Variants in ZMYM4 observed in about 807,000 individuals in gnomAD.
ZMYM4 encodes zinc finger MYM-type containing 4, also known as zinc finger MYM-type protein 4.
In ZMYM4, 31 loss-of-function variants were observed where a neutral mutation model predicts 183.2. The observed-to-expected ratio is 0.17, with a 90% confidence interval of 0.13 to 0.23. The LOEUF (loss-of-function observed/expected upper bound fraction) is 0.23, where lower values mean the gene tolerates loss of function less well. ZMYM4 is among the 10% of genes least tolerant of loss of function. The probability of loss-of-function intolerance (pLI) is 1.00; values close to 1 mark genes in which losing one functional copy is unlikely to be tolerated. For synonymous variants in ZMYM4, 592 were observed against 631.2 expected (o/e 0.94, Z 0.93); for missense variants, 1,273 against 1,840.3 (o/e 0.69, Z 5.64).
At chr1:35,280,151 T>C (rs576807287) in intron 1 of ZMYM4, among the ~76,000 whole-genome samples, 2 of 151,396 alleles carry the variant, frequency 1.3e-5, no homozygotes, top group African/African-American at 4.9e-5. Context: ...TCTCTTTCTT[T>C]CTTCCTTCCT....
At chr1:35,377,846 C>CATCAGTTG (rs1223859421) in intron 7 of ZMYM4, among the ~76,000 whole-genome samples, 2 of 152,170 alleles carry the variant, frequency 1.3e-5, no homozygotes, top group African/African-American at 4.8e-5. Flanking sequence ...AAGTTTGTCA[C>CATCAGTTG]ATCAGTTGAC....
rs556592892 is a variant in ZMYM4 at position 35,296,527 on chromosome 1, A to G, written c.39+27442A>G. On this transcript the variant is annotated intron_variant, in intron 1 of 29. Coordinates refer to ENST00000314607, the MANE Select transcript of ZMYM4 (RefSeq NM_005095.3). ...AAAATCTTGGAATTTTTTGGCCTGT[A>G]AAACTGTTTCCATTGTGTGTACCTG... 2.6e-5 allele frequency among the ~76,000 whole-genome samples: 4 copies of G among 152,284 alleles called. No individual in the cohort carries two copies. The South Asian group carries it at 8.3e-4, about 32-fold the overall frequency.
At chr1:35,414,395 TTTTTTGGTAG>T (rs1452905347) in intron 27 of ZMYM4, among the ~76,000 whole-genome samples, 7 of 152,216 alleles carry the variant, frequency 4.6e-5, no homozygotes, top group African/African-American at 9.6e-5. Flanking sequence ...ACAGTGGACC[TTTTTTGGTAG>T]TTTGTATGTA....
chr1:35,392,064 A>G (rs1382903323), intron 15 of ZMYM4, 148 bp from the exon 16 acceptor site: 4 of 1,045,396 alleles, frequency 3.8e-6, no homozygotes, highest in Non-Finnish European at 4.1e-6. Context: ...AAAAGAAGAA[A>G]ACCAAAACCC....
intron 11 of ZMYM4, among the ~76,000 whole-genome samples, chr1:35,386,463 A>G (rs527512644): frequency 6.6e-6 from 1 of 152,236 alleles, no homozygotes; most frequent in Admixed American, 6.5e-5. Flanking sequence ...CTTTTAAACA[A>G]CCAGATAGTG....
intron 1 of ZMYM4, among the ~76,000 whole-genome samples, chr1:35,290,557 A>G (rs893563642): frequency 1.3e-5 from 2 of 151,932 alleles, no homozygotes; most frequent in Non-Finnish European, 1.5e-5. Context: ...TGCCTCTCCA[A>G]TAGCTAGGAC....
chr1:35,407,933 A>G (rs1639689638), intron 25 of ZMYM4, 75 bp from the exon 26 acceptor site: 1 of 1,582,006 alleles, frequency 6.3e-7, no homozygotes, highest in African/African-American at 1.3e-5. Flanking sequence ...AGTAGTGTTC[A>G]ATGTTTATTC....
At chr1:35,395,344 C>T (rs1013860894) in intron 18 of ZMYM4, among the ~76,000 whole-genome samples, 3 of 151,256 alleles carry the variant, frequency 2.0e-5, no homozygotes, top group African/African-American at 7.3e-5. Context: ...GCCTATACTC[C>T]CAGCACTTTG....
At chr1:35,275,349 C>G (rs1639819603) in intron 1 of ZMYM4, among the ~76,000 whole-genome samples, 1 of 152,012 alleles carries the variant, frequency 6.6e-6, no homozygotes, top group South Asian at 2.1e-4. Flanking sequence ...TCAAGCAATT[C>G]TCCTGCCTCA....
chr1:35,391,406 C>T (rs1295213799), intron 15 of ZMYM4, among the ~76,000 whole-genome samples: 1 of 152,166 alleles, frequency 6.6e-6, no homozygotes. Flanking sequence ...CAGGACTACA[C>T]ACTATGTGCT....
chr1:35,410,120 T>C (rs1459674321), intron 26 of ZMYM4, among the ~76,000 whole-genome samples: 2 of 152,072 alleles, frequency 1.3e-5, no homozygotes, highest in Admixed American at 1.3e-4. Flanking sequence ...GAGGACGAAG[T>C]ACCAGGCTCT....
chr1:35,322,036 A>T (rs1171929429), intron 1 of ZMYM4, among the ~76,000 whole-genome samples: 1 of 152,016 alleles, frequency 6.6e-6, no homozygotes, highest in African/African-American at 2.4e-5. Context: ...ACTGGAAAGA[A>T]TGAAGTAGAT....
chr1:35,415,319 C>T (rs1326646614), intron 27 of ZMYM4, 147 bp from the exon 28 acceptor site: 14 of 1,078,626 alleles, frequency 1.3e-5, no homozygotes, highest in African/African-American at 4.7e-5. Flanking sequence ...CTTTGTGGTG[C>T]GTTTTCTGGT....
intron 1 of ZMYM4, among the ~76,000 whole-genome samples, chr1:35,318,100 C>T (rs993851917): frequency 1.3e-5 from 2 of 148,598 alleles, no homozygotes; most frequent in African/African-American, 2.5e-5. Context: ...ACTCTATCAC[C>T]CAGACTGGAG....
chr1:35,416,514 T>C lies in ZMYM4; in HGVS notation c.4309+800T>C, dbSNP rs1364176458. 7.9e-5 allele frequency among the ~76,000 whole-genome samples: 12 copies of C among 152,352 alleles called. No homozygotes were observed. The East Asian group carries it at 2.1e-3, about 27-fold the overall frequency. On this transcript the variant is annotated intron_variant, in intron 28 of 29. Coordinates refer to ENST00000314607, the MANE Select transcript of ZMYM4 (RefSeq NM_005095.3). The stretch of plus-strand genomic sequence containing the variant: ...CACCTAATGTCTGTGTCCTGTTTGC[T>C]TAGTTTTATATATATGTAACCCACT...
At position 35,384,109 on chromosome 1, in the gene ZMYM4, G is replaced by A. The variant is rs770912656; in HGVS notation, c.1570-1333G>A. On this transcript the variant is annotated intron_variant, in intron 9 of 29. Transcript: ENST00000314607. ...GCCTGTCTCCTGAGAAAGATAAGAC[G>A]TATAAATGAGTAAATAGAGATGCTA... 5.3e-5 allele frequency among the ~76,000 whole-genome samples: 8 copies of A among 152,098 alleles called. No individual in the cohort carries two copies. The East Asian group carries it at 5.8e-4, about 11-fold the overall frequency.
chr1:35,307,623 C>T (rs943093071), intron 1 of ZMYM4, among the ~76,000 whole-genome samples: 1 of 150,890 alleles, frequency 6.6e-6, no homozygotes, highest in African/African-American at 2.4e-5. Flanking sequence ...CAAGCTCTGC[C>T]TCCCGGGTTC....
chr1:35,371,834 T>G (rs192485648), intron 7 of ZMYM4, among the ~76,000 whole-genome samples: 1 of 152,370 alleles, frequency 6.6e-6, no homozygotes, highest in Admixed American at 6.5e-5. Context: ...TTCATTTTTT[T>G]GAAATGACCG....
intron 1 of ZMYM4, among the ~76,000 whole-genome samples, chr1:35,307,542 A>ATTT (rs1156933602): frequency 2.9e-3 from 389 of 136,116 alleles, no homozygotes; most frequent in Non-Finnish European, 4.2e-3. Context: ...TATTATTATT[A>ATTT]TTTTTTTTTT....
Sources: gnomAD v4.1 joint callset for allele counts (sites outside exome capture counted in the v4.1 genomes callset) on GRCh38, gnomAD v4.1.1 for gene constraint, MANE v1.5 for transcripts, NCBI Gene and HGNC (gene_info 2026-07-23, HGNC 2026-07-21) for gene names.